The following PARD3B variants were observed in gnomAD, a reference collection of about 807,000 sequenced individuals.
The protein encoded by PARD3B is par-3 family cell polarity regulator beta, also known as partitioning defective 3 homolog B.
Under a neutral mutation model 130.2 loss-of-function variants are expected in PARD3B, and 103 were observed. The observed-to-expected ratio is 0.79, with a 90% CI of 0.67 to 0.93. PARD3B has a LOEUF of 0.93. Among genes scored for constraint, PARD3B ranks in the 40% least tolerant of loss-of-function variants. PARD3B has a pLI of 0.00. For missense variants in PARD3B, 1,609 were observed against 1,499.2 expected (o/e 1.07, Z -1.21); for synonymous variants, 583 against 553.2 (o/e 1.05, Z -0.76).
chr2:205,386,345 G>T (rs539131519), intron 18 of PARD3B, among the ~76,000 whole-genome samples: 28 of 152,212 alleles, frequency 1.8e-4, no homozygotes, highest in African/African-American at 6.7e-4. Flanking sequence ...GCCCACACAG[G>T]GGAGCCAACC....
chr2:205,502,029 C>T (rs538335460), intron 21 of PARD3B, among the ~76,000 whole-genome samples: 16 of 152,058 alleles, frequency 1.1e-4, no homozygotes, highest in Non-Finnish European at 2.2e-4. Context: ...AATGCACTGC[C>T]GTAAAACACG....
chr2:205,301,592 G>A lies in PARD3B; in HGVS notation c.2521G>A (p.Glu841Lys). The change falls in exon 18 of 23, where the codon GAG becomes AAG. Residue 841 changes from glutamate to lysine, a missense_variant. Physicochemically the swap from Glu to Lys is moderately conservative, Grantham distance 56. Coordinates refer to ENST00000406610, the MANE Select transcript of PARD3B (RefSeq NM_001302769.2). This position sits in a 1 kb window ranked among gnomAD's most constrained non-coding sequence, Gnocchi z 5.2. ...ARKVKKTKEK[E>K]KKKEKGKLKV... ...GAAAGTCAAAAAAACGAAAGAGAAGGAGAAGAAAAAGGAAAAGGGCAAATT... is the reference window on the plus strand; with the variant it reads ...GAAAGTCAAAAAAACGAAAGAGAAGAAGAAGAAAAAGGAAAAGGGCAAATT... The A allele has an allele frequency of 1.2e-6, 2 of 1,613,920 alleles. No individual in the cohort carries two copies. Among genetic ancestry groups the A allele is most frequent in the South Asian group, 2.2e-5 (2 of 91,062 alleles).
rs1409269676 is a variant in PARD3B at position 205,304,683 on chromosome 2, C to T, written c.2630+2982C>T. Among the ~76,000 whole-genome samples, 10 of 151,112 alleles carry T rather than the reference C, an allele frequency of 6.6e-5. 1 individual carries two copies. Among genetic ancestry groups the T allele is most frequent in the Admixed American group, 4.6e-4 (7 of 15,166 alleles). Reference sequence around the variant, plus strand: ...AGGCATAGTGGCTCAGGCATGTAATCCCAGCACTTTGAGAGGCTGAGATGG... The same window carrying T: ...AGGCATAGTGGCTCAGGCATGTAATTCCAGCACTTTGAGAGGCTGAGATGG... On this transcript the variant is annotated intron_variant, in intron 18 of 22. Coordinates refer to ENST00000406610, the MANE Select transcript of PARD3B (RefSeq NM_001302769.2).
intron 2 of PARD3B, among the ~76,000 whole-genome samples, chr2:204,768,826 G>A (rs2041247566): frequency 1.2e-5 from 1 of 81,558 alleles, no homozygotes; most frequent in African/African-American, 5.2e-5. Context: ...GTATAAGAAT[G>A]CTTGTGATTT....
chr2:204,737,782 T>C (rs1418366399), intron 2 of PARD3B, among the ~76,000 whole-genome samples: 1 of 152,176 alleles, frequency 6.6e-6, no homozygotes. Flanking sequence ...CAGTTTATTC[T>C]TTTATATGTG....
rs139989292 is a variant in PARD3B, at chr2:204,727,441, T to C, written c.222+41159T>C. Among the ~76,000 whole-genome samples the C allele has an allele frequency of 7.9e-5, 12 of 152,316 alleles. No homozygotes were observed. In the East Asian group the frequency reaches 2.3e-3, roughly 29 times the overall value. On this transcript the variant is annotated intron_variant, in intron 2 of 22. Coordinates refer to ENST00000406610, the MANE Select transcript of PARD3B (RefSeq NM_001302769.2). ...AGGTCCAGTATTTTCAGTCATGGTT[T>C]TTCTATAATTTTACCATAGCAAATA...
intron 2 of PARD3B, among the ~76,000 whole-genome samples, chr2:204,791,355 C>T (rs2042198681): frequency 6.6e-6 from 1 of 152,122 alleles, no homozygotes; most frequent in South Asian, 2.1e-4. Flanking sequence ...CTATTGATAT[C>T]TTCTTAGCCA....
chr2:205,367,486 C>T (rs746574402), intron 18 of PARD3B, among the ~76,000 whole-genome samples: 4 of 152,202 alleles, frequency 2.6e-5, no homozygotes, highest in Non-Finnish European at 5.9e-5. Flanking sequence ...GTTTTGGAAT[C>T]TGCTTATCTA....
chr2:204,724,697 T>C (rs534284492), intron 2 of PARD3B, among the ~76,000 whole-genome samples: 1 of 151,986 alleles, frequency 6.6e-6, no homozygotes, highest in Non-Finnish European at 1.5e-5. Flanking sequence ...GGAAGTGGAG[T>C]AGTAGGAGAT....
At chr2:205,516,735 C>A (rs958480950) in intron 21 of PARD3B, among the ~76,000 whole-genome samples, 9 of 151,994 alleles carry the variant, frequency 5.9e-5, no homozygotes, top group African/African-American at 2.2e-4. Flanking sequence ...TTGACTTCCT[C>A]TCTATTTGGA....
At chr2:205,037,758 C>T (rs529679654) in intron 3 of PARD3B, among the ~76,000 whole-genome samples, 1 of 151,820 alleles carries the variant, frequency 6.6e-6, no homozygotes, top group African/African-American at 2.4e-5. Flanking sequence ...TTCATTGCCA[C>T]CCAATGGGAG....
At chr2:204,939,911 T>G (rs966535774) in intron 2 of PARD3B, among the ~76,000 whole-genome samples, 1 of 152,214 alleles carries the variant, frequency 6.6e-6, no homozygotes, top group African/African-American at 2.4e-5. Flanking sequence ...TGTACTTAAA[T>G]TACCATTATA....
chr2:204,688,581 A>T lies in PARD3B; in HGVS notation c.222+2299A>T, dbSNP rs1000559495. Among the ~76,000 whole-genome samples, 423 of 149,312 alleles carry T rather than the reference A, an allele frequency of 2.8e-3. 1 individual carries two copies. Among genetic ancestry groups the T allele is most frequent in the African/African-American group, 9.3e-3 (374 of 40,390 alleles). ...GGTGACAGAGCAAGACTCCATCTAAAAAAAAAAAAAAAAAAAGGTGAAAAA... is the reference window on the plus strand; with the variant it reads ...GGTGACAGAGCAAGACTCCATCTAATAAAAAAAAAAAAAAAAGGTGAAAAA... On this transcript the variant is annotated intron_variant, in intron 2 of 22. Transcript: ENST00000406610.
chr2:205,272,864 A>G (rs893092454), intron 16 of PARD3B, among the ~76,000 whole-genome samples: 1 of 152,246 alleles, frequency 6.6e-6, no homozygotes, highest in Non-Finnish European at 1.5e-5. Flanking sequence ...AACCGCATGA[A>G]TATCTGGAGA....
intron 16 of PARD3B, among the ~76,000 whole-genome samples, chr2:205,248,587 C>G (rs1365660872): frequency 1.4e-5 from 2 of 146,132 alleles, no homozygotes; most frequent in African/African-American, 5.0e-5. Flanking sequence ...TAAATCTCTA[C>G]TTGTCTCACC....
chr2:205,285,837 C>T (rs1369930075), intron 16 of PARD3B, among the ~76,000 whole-genome samples: 2 of 152,098 alleles, frequency 1.3e-5, no homozygotes, highest in Non-Finnish European at 2.9e-5. Context: ...TTGCTTGTTC[C>T]TTGAGAGCAG....
intron 15 of PARD3B, among the ~76,000 whole-genome samples, chr2:205,245,556 G>A (rs1669752088): frequency 6.6e-6 from 1 of 152,080 alleles, no homozygotes; most frequent in Admixed American, 6.5e-5. Context: ...ATGAAGTTAT[G>A]TTCATAAAAG....
chr2:205,172,523 A>G (rs2035232933), intron 12 of PARD3B, 142 bp downstream of exon 12: 4 of 811,012 alleles, frequency 4.9e-6, no homozygotes, highest in Non-Finnish European at 7.5e-6. Flanking sequence ...GTGGTTGTGT[A>G]TTTTAGGTAT....
intron 2 of PARD3B, among the ~76,000 whole-genome samples, chr2:204,719,225 T>G (rs2125316114): frequency 6.6e-6 from 1 of 152,318 alleles, no homozygotes; most frequent in Middle Eastern, 3.4e-3. Flanking sequence ...GGAAAGTATT[T>G]TGTTATAATA....
Sources: allele counts gnomAD v4.1 joint callset (sites outside exome capture counted in the v4.1 genomes callset), GRCh38; gene constraint gnomAD v4.1.1; non-coding constraint Gnocchi (gnomAD v3.1); transcripts MANE v1.5; gene names NCBI Gene and HGNC (gene_info 2026-07-23, HGNC 2026-07-21).